The following HEMK2 variants were observed in gnomAD, a reference collection of about 807,000 sequenced individuals.
HEMK2 encodes HemK methyltransferase 2, ETF1 glutamine and histone H4 lysine.
the HEMK2 span, among the ~76,000 whole-genome samples, chr21:28,581,532 C>T: frequency 3.9e-5 from 6 of 152,298 alleles, no homozygotes; most frequent in South Asian, 1.2e-3. Flanking sequence ...CAATGTCACT[C>T]ACTGCACTAA....
the HEMK2 span, among the ~76,000 whole-genome samples, chr21:28,849,604 A>G: frequency 6.6e-6 from 1 of 152,194 alleles, no homozygotes; most frequent in Admixed American, 6.5e-5. Flanking sequence ...TCAAAACCCA[A>G]TCCAAGGAAT....
the HEMK2 span, among the ~76,000 whole-genome samples, chr21:28,821,547 T>A: frequency 6.6e-6 from 1 of 152,166 alleles, no homozygotes; most frequent in African/African-American, 2.4e-5. Flanking sequence ...ATACCACTTT[T>A]CCACCGCACC....
the HEMK2 span, among the ~76,000 whole-genome samples, chr21:28,759,259 G>A: frequency 1.6e-4 from 25 of 152,322 alleles, no homozygotes; most frequent in Admixed American, 3.9e-4. Context: ...CTGGATGTGA[G>A]ACATGGAGTC....
At chr21:28,722,212 TA>T in the HEMK2 span, among the ~76,000 whole-genome samples, 50 of 151,692 alleles carry the variant, frequency 3.3e-4, no homozygotes, top group African/African-American at 1.2e-3. Context: ...TTTTACTGGT[TA>T]AAAAAAATTG....
the HEMK2 span, among the ~76,000 whole-genome samples, chr21:28,654,802 TAGGGTTATTGTAGATACCTAAAAAC>T: frequency 6.6e-6 from 1 of 152,096 alleles, no homozygotes; most frequent in Non-Finnish European, 1.5e-5. Flanking sequence ...TTTTCTGCAA[TAGGGTTATTGTAGATACCTAAAAAC>T]AGAGGTTTGG....
chr21:28,658,509 G>T, the HEMK2 span, among the ~76,000 whole-genome samples: 9 of 152,178 alleles, frequency 5.9e-5, no homozygotes, highest in African/African-American at 2.2e-4. Flanking sequence ...TCTTCTGCCT[G>T]TGCAATTGCC....
the HEMK2 span, among the ~76,000 whole-genome samples, chr21:28,650,884 T>C: frequency 1.3e-5 from 2 of 152,078 alleles, no homozygotes; most frequent in Non-Finnish European, 2.9e-5. Flanking sequence ...AAGAGAACTT[T>C]AGGGGATGAT....
chr21:28,748,436 T>C, the HEMK2 span, among the ~76,000 whole-genome samples: 1 of 152,186 alleles, frequency 6.6e-6, no homozygotes, highest in Non-Finnish European at 1.5e-5. Context: ...TAAATAAACA[T>C]GGTAGGTTGG....
the HEMK2 span, among the ~76,000 whole-genome samples, chr21:28,841,374 TTA>T: frequency 1.9e-3 from 56 of 29,406 alleles, 6 homozygotes; most frequent in African/African-American, 0.012. Context: ...ATATAAAATA[TTA>T]TATATAATAT....
chr21:28,878,256 CA>C, the HEMK2 span: 5 of 1,606,600 alleles, frequency 3.1e-6, no homozygotes, highest in Admixed American at 1.7e-5. Flanking sequence ...GATCTGGAAC[CA>C]GGGGAAAAAA....
At chr21:28,648,448 TGAGGACAGGGACCA>T in the HEMK2 span, among the ~76,000 whole-genome samples, 29 of 152,328 alleles carry the variant, frequency 1.9e-4, no homozygotes, top group Admixed American at 1.8e-3. Context: ...GTAAGATCCC[TGAGGACAGGGACCA>T]AGTCTGCTTT....
chr21:28,604,758 C>G, the HEMK2 span, among the ~76,000 whole-genome samples: 2 of 152,224 alleles, frequency 1.3e-5, no homozygotes, highest in African/African-American at 4.8e-5. Context: ...ACATACCACT[C>G]TTGCCTCTCC....
chr21:28,850,325 C>T, the HEMK2 span, among the ~76,000 whole-genome samples: 11 of 150,702 alleles, frequency 7.3e-5, no homozygotes, highest in Admixed American at 1.3e-4. Context: ...CCCAGGCTCA[C>T]GCCATTCTCC....
the HEMK2 span, among the ~76,000 whole-genome samples, chr21:28,736,554 C>T: frequency 6.6e-6 from 1 of 152,136 alleles, no homozygotes; most frequent in Admixed American, 6.5e-5. Flanking sequence ...GTCAGGAGTT[C>T]GAGGCCAGCC....
At chr21:28,740,220 T>A in the HEMK2 span, among the ~76,000 whole-genome samples, 2 of 152,244 alleles carry the variant, frequency 1.3e-5, no homozygotes, top group East Asian at 3.8e-4. Context: ...GCAACCACAG[T>A]TTCCAAAGCT....
At chr21:28,662,264 C>T in the HEMK2 span, among the ~76,000 whole-genome samples, 1 of 152,130 alleles carries the variant, frequency 6.6e-6, no homozygotes. Flanking sequence ...GAAAGAATTG[C>T]TGCTGCCAAG....
chr21:28,831,467 G>GA, the HEMK2 span, among the ~76,000 whole-genome samples: 1,079 of 23,344 alleles, frequency 0.046, 85 homozygotes, highest in African/African-American at 0.11. Flanking sequence ...AAGAACGAAA[G>GA]AAAGAAAGAA....
chr21:28,619,520 C>A, the HEMK2 span, among the ~76,000 whole-genome samples: 1 of 152,178 alleles, frequency 6.6e-6, no homozygotes, highest in Non-Finnish European at 1.5e-5. Flanking sequence ...TTTTACCACC[C>A]ATTGGCACTT....
At chr21:28,700,578 C>T in the HEMK2 span, among the ~76,000 whole-genome samples, 1 of 152,120 alleles carries the variant, frequency 6.6e-6, no homozygotes. Context: ...GAAATGCAAC[C>T]TTCCAAGATT....
Sources: allele counts gnomAD v4.1 joint callset (sites outside exome capture counted in the v4.1 genomes callset), GRCh38; gene constraint gnomAD v4.1.1; transcripts MANE v1.5; gene names NCBI Gene and HGNC (gene_info 2026-07-23, HGNC 2026-07-21).